Variants in CCSER1 observed in about 807,000 individuals in gnomAD.
CCSER1 encodes the protein coiled-coil serine rich protein 1.
CCSER1 carries 41 observed loss-of-function variants against 82.0 expected under a neutral mutation model. That is an observed-to-expected ratio of 0.50 (90% CI 0.39 to 0.65). CCSER1 has a LOEUF of 0.65. Ranked by LOEUF, CCSER1 falls within the 30% of genes least tolerant of loss-of-function variation. CCSER1 has a pLI of 0.00. For missense variants in CCSER1, 1,119 were observed against 1,064.2 expected, an observed-to-expected ratio of 1.05 and a Z score of -0.72; for synonymous variants, 414 against 383.9, an observed-to-expected ratio of 1.08 and a Z score of -0.92.
chr4:90,643,945 T>A (rs1469039700), intron 6 of CCSER1, among the ~76,000 whole-genome samples: 3 of 152,158 alleles, frequency 2.0e-5, no homozygotes, highest in Non-Finnish European at 2.9e-5. Context: ...AATTCTAAAT[T>A]TGTTGCCCAG....
chr4:90,234,649 T>C (rs976759516), intron 1 of CCSER1, among the ~76,000 whole-genome samples: 6 of 152,224 alleles, frequency 3.9e-5, no homozygotes, highest in African/African-American at 7.2e-5. Context: ...CTGATCATTA[T>C]TGAGTCCCTA....
chr4:90,632,183 A>G (rs547628205), intron 6 of CCSER1, among the ~76,000 whole-genome samples: 1 of 152,262 alleles, frequency 6.6e-6, no homozygotes, highest in Non-Finnish European at 1.5e-5. Context: ...TTTGTGAGGT[A>G]TCACATGTTT....
chr4:90,915,140 A>G (rs1727123858), intron 8 of CCSER1, among the ~76,000 whole-genome samples: 1 of 152,200 alleles, frequency 6.6e-6, no homozygotes, highest in South Asian at 2.1e-4. Context: ...ATAGAAAAAG[A>G]GGGAATCCTC....
chr4:91,571,931 G>C (rs1763205350), intron 10 of CCSER1, among the ~76,000 whole-genome samples: 1 of 152,104 alleles, frequency 6.6e-6, no homozygotes, highest in Non-Finnish European at 1.5e-5. Context: ...CAACTTGTTG[G>C]AGGTATAGAT....
At chr4:90,215,327 G>C (rs991463307) in intron 1 of CCSER1, among the ~76,000 whole-genome samples, 4 of 152,182 alleles carry the variant, frequency 2.6e-5, no homozygotes, top group Non-Finnish European at 4.4e-5. Context: ...TCTTTCACTT[G>C]AGTGAGCATT....
chr4:90,883,437 G>A (rs983760573), intron 8 of CCSER1, among the ~76,000 whole-genome samples: 7 of 151,798 alleles, frequency 4.6e-5, no homozygotes, highest in Non-Finnish European at 1.0e-4. Flanking sequence ...AGTGTGTTTG[G>A]GACACATAAA....
intron 6 of CCSER1, among the ~76,000 whole-genome samples, chr4:90,636,833 G>A (rs1233137747): frequency 6.6e-6 from 1 of 152,146 alleles, no homozygotes; most frequent in Non-Finnish European, 1.5e-5. Context: ...AGCTAGGAAT[G>A]AGGCAAGAAA....
chr4:91,358,632 G>C (rs1749030660), intron 10 of CCSER1, among the ~76,000 whole-genome samples: 1 of 152,148 alleles, frequency 6.6e-6, no homozygotes. Context: ...CGCTGTGGGT[G>C]ATCAGGCCAC....
At chr4:90,813,840 G>C (rs1394276513) in intron 7 of CCSER1, among the ~76,000 whole-genome samples, 3 of 152,134 alleles carry the variant, frequency 2.0e-5, no homozygotes, top group Admixed American at 6.5e-5. Context: ...GCTGTTGGTG[G>C]ATCTATGATT....
At chr4:90,180,098 G>C (rs1435819308) in intron 1 of CCSER1, among the ~76,000 whole-genome samples, 1 of 144,940 alleles carries the variant, frequency 6.9e-6, no homozygotes, top group African/African-American at 2.6e-5. Context: ...GTTGGAGTTT[G>C]ATGTATGTAT....
chr4:91,030,175 G>T (rs1581378837), intron 9 of CCSER1, among the ~76,000 whole-genome samples: 1 of 151,882 alleles, frequency 6.6e-6, no homozygotes, highest in Admixed American at 6.6e-5. Context: ...GGGAATTACA[G>T]TTTATGAAAT....
chr4:90,924,098 A>G (rs1390686524), intron 9 of CCSER1, among the ~76,000 whole-genome samples: 1 of 152,190 alleles, frequency 6.6e-6, no homozygotes, highest in South Asian at 2.1e-4. Context: ...ATTTTGCCTA[A>G]GTTCATGACT....
chr4:91,472,625 T>C (rs1757345151), intron 10 of CCSER1, among the ~76,000 whole-genome samples: 1 of 152,210 alleles, frequency 6.6e-6, no homozygotes, highest in Non-Finnish European at 1.5e-5. Context: ...CACTGATATC[T>C]TGAGATTGTA....
chr4:90,813,866 C>T (rs1475910786), intron 7 of CCSER1, among the ~76,000 whole-genome samples: 2 of 152,118 alleles, frequency 1.3e-5, no homozygotes, highest in African/African-American at 4.8e-5. Context: ...GTCTGGAGGA[C>T]AGTGACCCTC....
intron 9 of CCSER1, among the ~76,000 whole-genome samples, chr4:91,043,958 A>G (rs561832217): frequency 6.6e-6 from 1 of 152,154 alleles, no homozygotes; most frequent in Non-Finnish European, 1.5e-5. Flanking sequence ...GGGAAATATT[A>G]TAACTAATCT....
At chr4:90,277,965 A>G (rs1728144812) in intron 1 of CCSER1, among the ~76,000 whole-genome samples, 1 of 152,146 alleles carries the variant, frequency 6.6e-6, no homozygotes, top group Non-Finnish European at 1.5e-5. Flanking sequence ...AGATTCTATA[A>G]GGAACTTAAT....
rs113663272 is a variant in CCSER1 at position 90,259,040 on chromosome 4, G to A, written c.-41-49204G>A. 3.8e-3 allele frequency among the ~76,000 whole-genome samples: 575 copies of A among 152,190 alleles called. 5 individuals carry two copies. Among genetic ancestry groups the A allele is most frequent in the African/African-American group, 0.012 (493 of 41,530 alleles). On this transcript the variant is annotated intron_variant, in intron 1 of 10. Transcript: ENST00000509176. ...AGGAATGATGGTGGTATTTTGATGGGAATAGCATTGAATCTGCAGGTTGCT... is the reference window on the plus strand; with the variant it reads ...AGGAATGATGGTGGTATTTTGATGGAAATAGCATTGAATCTGCAGGTTGCT...
intron 10 of CCSER1, among the ~76,000 whole-genome samples, chr4:91,384,065 A>C (rs1751110904): frequency 6.6e-6 from 1 of 151,864 alleles, no homozygotes; most frequent in Non-Finnish European, 1.5e-5. Flanking sequence ...GCTGTAGCTA[A>C]AGTGAATTTT....
At chr4:91,134,697 A>G (rs757559235) in intron 10 of CCSER1, among the ~76,000 whole-genome samples, 1 of 152,140 alleles carries the variant, frequency 6.6e-6, no homozygotes, top group African/African-American at 2.4e-5. Flanking sequence ...ATTGATGCAG[A>G]CAACAATCTT....
Sources: gnomAD v4.1 joint callset for allele counts (sites outside exome capture counted in the v4.1 genomes callset) on GRCh38, gnomAD v4.1.1 for gene constraint, MANE v1.5 for transcripts, NCBI Gene and HGNC (gene_info 2026-07-23, HGNC 2026-07-21) for gene names.